Variants in DGKB observed in about 807,000 individuals in gnomAD.
DGKB encodes the protein 90 kDa diacylglycerol kinase.
A neutral mutation model predicts 114.3 loss-of-function variants in DGKB; 67 were observed. The ratio of observed to expected loss-of-function variants is 0.59; its 90% CI spans 0.48 to 0.72. DGKB has a LOEUF of 0.72. DGKB is among the 30% of genes least tolerant of loss of function. DGKB has a pLI of 0.00. For synonymous variants in DGKB, 398 were observed against 323.1 expected (o/e 1.23, Z -2.49); for missense variants, 907 against 975.2 (o/e 0.93, Z 0.93).
intron 6 of DGKB, among the ~76,000 whole-genome samples, chr7:14,713,924 T>A (rs1375962824): frequency 6.6e-6 from 1 of 152,112 alleles, no homozygotes; most frequent in East Asian, 1.9e-4. Flanking sequence ...ATATCATGTA[T>A]TTTAAAGTCA....
chr7:14,626,439 C>A (rs554084760), intron 14 of DGKB, among the ~76,000 whole-genome samples: 2 of 152,286 alleles, frequency 1.3e-5, no homozygotes, highest in African/African-American at 4.8e-5. Context: ...GTCCTTTCTG[C>A]CACTGGAGCT....
chr7:14,345,158 A>G, intron 22 of DGKB, 143 bp downstream of exon 22: 1 of 560,302 alleles, frequency 1.8e-6, no homozygotes, highest in South Asian at 2.2e-5. Context: ...AAATGAGTGA[A>G]AGGAATGACA....
At chr7:14,469,241 A>G (rs559124285) in intron 21 of DGKB, among the ~76,000 whole-genome samples, 1 of 152,150 alleles carries the variant, frequency 6.6e-6, no homozygotes, top group East Asian at 1.9e-4. Context: ...TTTATCTTAG[A>G]TTCTAAAAAT....
chr7:14,796,739 G>A (rs1332515310), intron 2 of DGKB, among the ~76,000 whole-genome samples: 2 of 150,836 alleles, frequency 1.3e-5, no homozygotes, highest in Non-Finnish European at 3.0e-5. Flanking sequence ...GAGAAAGTTA[G>A]CCAAAGCTTT....
At chr7:14,403,150 T>C (rs1474216935) in intron 21 of DGKB, among the ~76,000 whole-genome samples, 1 of 151,876 alleles carries the variant, frequency 6.6e-6, no homozygotes, top group African/African-American at 2.4e-5. Flanking sequence ...CAGTGTTTGT[T>C]AGAAGAAATT....
intron 2 of DGKB, among the ~76,000 whole-genome samples, chr7:14,786,156 A>G (rs1839865690): frequency 6.6e-6 from 1 of 151,068 alleles, no homozygotes; most frequent in South Asian, 2.1e-4. Context: ...ACACACACAC[A>G]CACACACGCA....
At chr7:14,846,981 A>C (rs1848704606) in intron 1 of DGKB, among the ~76,000 whole-genome samples, 1 of 152,222 alleles carries the variant, frequency 6.6e-6, no homozygotes, top group African/African-American at 2.4e-5. Flanking sequence ...ATAATTGAAG[A>C]GAAGTTAATA....
At chr7:14,426,229 G>T (rs1827503337) in intron 21 of DGKB, among the ~76,000 whole-genome samples, 1 of 152,150 alleles carries the variant, frequency 6.6e-6, no homozygotes, top group Non-Finnish European at 1.5e-5. Flanking sequence ...TCTACTATTG[G>T]AGATGCTGGC....
chr7:14,616,548 A>G (rs1806566624), intron 15 of DGKB, among the ~76,000 whole-genome samples: 1 of 151,784 alleles, frequency 6.6e-6, no homozygotes. Flanking sequence ...GTGGAGTAGG[A>G]GGTGAAAGAT....
intron 23 of DGKB, among the ~76,000 whole-genome samples, chr7:14,281,574 C>T (rs1374216165): frequency 2.0e-5 from 3 of 147,290 alleles, no homozygotes; most frequent in East Asian, 2.0e-4. Context: ...TTCAGCACCA[C>T]ACCACACCTA....
At chr7:14,522,054 T>C (rs922508690) in intron 20 of DGKB, among the ~76,000 whole-genome samples, 10 of 152,156 alleles carry the variant, frequency 6.6e-5, no homozygotes, top group Non-Finnish European at 1.5e-4. Context: ...CCTAAGGGTG[T>C]GGTAGTGTGT....
intron 1 of DGKB, among the ~76,000 whole-genome samples, chr7:14,923,983 C>CAA (rs56032330): frequency 1.6e-4 from 12 of 76,080 alleles, no homozygotes; most frequent in African/African-American, 4.4e-4. Context: ...AGCTCCATCT[C>CAA]AAAAAAAAAA....
intron 23 of DGKB, among the ~76,000 whole-genome samples, chr7:14,326,516 C>T (rs1015841359): frequency 2.0e-5 from 3 of 152,044 alleles, no homozygotes; most frequent in African/African-American, 7.2e-5. Flanking sequence ...AATGGACATT[C>T]TCACCTGGAG....
At chr7:14,689,216 T>TA (rs1822354834) in intron 9 of DGKB, among the ~76,000 whole-genome samples, 3 of 137,308 alleles carry the variant, frequency 2.2e-5, no homozygotes, top group Admixed American at 7.4e-5. Context: ...TTTTTTTTTT[T>TA]TTTTTTTTGA....
intron 22 of DGKB, among the ~76,000 whole-genome samples, chr7:14,343,599 G>A (rs978182034): frequency 3.3e-5 from 5 of 151,396 alleles, no homozygotes; most frequent in Non-Finnish European, 5.9e-5. Context: ...CTGTGCTCAA[G>A]GGTAGGATAA....
chr7:14,340,367 T>A (rs932080000), intron 22 of DGKB, among the ~76,000 whole-genome samples: 1 of 151,576 alleles, frequency 6.6e-6, no homozygotes, highest in Non-Finnish European at 1.5e-5. Flanking sequence ...AAACACATAC[T>A]GTGTGTCAGG....
At chr7:14,839,950 C>T (rs557824816) in intron 2 of DGKB, among the ~76,000 whole-genome samples, 1 of 152,120 alleles carries the variant, frequency 6.6e-6, no homozygotes, top group Non-Finnish European at 1.5e-5. Flanking sequence ...ACCTTTGAAA[C>T]TGGTCTTTTC....
intron 9 of DGKB, among the ~76,000 whole-genome samples, chr7:14,693,346 AC>A (rs1200789636): frequency 6.6e-6 from 1 of 152,122 alleles, no homozygotes; most frequent in East Asian, 1.9e-4. Flanking sequence ...AATAAAAATA[AC>A]TGAAATCTGC....
At chr7:14,516,324 C>A (rs1483009340) in intron 20 of DGKB, among the ~76,000 whole-genome samples, 1 of 152,098 alleles carries the variant, frequency 6.6e-6, no homozygotes, top group Non-Finnish European at 1.5e-5. Context: ...CTATAAAAAT[C>A]AAATATCCAC....
Sources: allele counts gnomAD v4.1 joint callset (sites outside exome capture counted in the v4.1 genomes callset), GRCh38; gene constraint gnomAD v4.1.1; transcripts MANE v1.5; gene names NCBI Gene and HGNC (gene_info 2026-07-23, HGNC 2026-07-21).